The following ZNF467 variants were observed in gnomAD, a reference collection of about 807,000 sequenced individuals.
ZNF467 encodes the protein zinc finger protein 467.
In ZNF467, 51 loss-of-function variants were observed where a neutral mutation model predicts 47.8. That is an observed-to-expected ratio of 1.07 (90% confidence interval 0.85 to 1.35). The LOEUF (loss-of-function observed/expected upper bound fraction) is 1.35. Among genes scored for constraint, ZNF467 ranks in the 40% most tolerant of loss-of-function variants. The pLI, the probability that ZNF467 is intolerant of heterozygous loss-of-function variation, is 0.00. For synonymous variants in ZNF467, 416 were observed against 372.9 expected (o/e 1.12, Z -1.33); for missense variants, 992 against 858.1 (o/e 1.16, Z -1.95).
Position 149,772,853 on chromosome 7 carries a change from C to T in ZNF467, c.-43+255G>A, listed in dbSNP as rs183010964. Among the ~76,000 whole-genome samples, 980 of 121,644 alleles carry T rather than the reference C, an allele frequency of 8.1e-3. 23 individuals carry two copies. The highest frequency in any genetic ancestry group is 0.031 in the African/African-American group (923 of 29,800). 79.8% of individuals were successfully genotyped at this position (121,644 alleles called of 152,430 possible). A position where few individuals can be genotyped will look rare whatever the true frequency, so the allele number is the denominator to read the frequency against. Reference sequence around the variant, plus strand: ...CCTTCCCACCTGCCTCCCGCCCGACCCCCTCCCAGCCCCCGCCCTTCCCTC... The same window carrying T: ...CCTTCCCACCTGCCTCCCGCCCGACTCCCTCCCAGCCCCCGCCCTTCCCTC... On this transcript the variant is annotated intron_variant, in intron 1 of 4. Coordinates refer to ENST00000302017, the MANE Select transcript of ZNF467 (RefSeq NM_207336.3).
intron 4 of ZNF467, among the ~76,000 whole-genome samples, 176 bp downstream of exon 4, chr7:149,768,914 G>A (rs1799300851): frequency 6.6e-6 from 1 of 152,190 alleles, no homozygotes; most frequent in Non-Finnish European, 1.5e-5. Flanking sequence ...ATTCCCTTTC[G>A]GCATTGAAGC....
At position 149,770,336 on chromosome 7, in the gene ZNF467, AAGGG is replaced by A. The variant is rs559103295; in HGVS notation, c.151+100_151+103del. ...AATGGAAGGAAGGAAGGAAAGAAGG[AAGGG>A]AGGGAGGGAGGGGGGAGGGAAGAAG... On this transcript the variant is annotated intron_variant, in intron 3 of 4. Transcript: ENST00000302017. The A allele has an allele frequency of 1.0e-3, 606 of 599,700 alleles. 4 individuals are homozygous for A. In the African/African-American group the frequency reaches 0.013, roughly 13 times the overall value. 37.1% of individuals were successfully genotyped at this position (599,700 alleles called of 1,614,324 possible).
intron 1 of ZNF467, among the ~76,000 whole-genome samples, chr7:149,771,904 T>A (rs1248330706): frequency 9.2e-6 from 1 of 108,764 alleles, no homozygotes; most frequent in Non-Finnish European, 1.8e-5. Context: ...CCCGTCCGGG[T>A]CGGCCCTCCG....
In ZNF467 at chr7:149,765,292, C is replaced by T. The variant is rs112589121; in HGVS notation, c.1210G>A (p.Ala404Thr). ...TVDAPAAKPL[A>T]SAPGGPGCGP... The stretch of plus-strand genomic sequence containing the variant: ...CAGCCCGGTCCGCCAGGCGCGCTGG[C>T]CAGGGGCTTGGCGGCGGGGGCATCC... Residue 404 changes from alanine to threonine, a missense_variant, in exon 5 of 5, where the codon GCC becomes ACC. Coordinates refer to ENST00000302017, the MANE Select transcript of ZNF467 (RefSeq NM_207336.3). 0.063 allele frequency: 92,496 copies of T among 1,473,742 alleles called. 3,045 individuals carry two copies. Among genetic ancestry groups the T allele is most frequent in the Middle Eastern group, 0.076 (336 of 4,404 alleles). The allele number at this position is 1,473,742 out of a possible 1,614,324, so 91.3% of individuals were successfully genotyped here.
upstream of ZNF467, among the ~76,000 whole-genome samples, chr7:149,775,259 ACATAAT>A (rs1262034435): frequency 1.3e-5 from 2 of 152,184 alleles, no homozygotes; most frequent in African/African-American, 2.4e-5. Flanking sequence ...AACCAGCCAC[ACATAAT>A]CATCCCCAGC....
Position 149,766,178 on chromosome 7 carries a change from C to T in ZNF467, c.324G>A (p.Glu108=). ...ACGATAGATGCTGGGGCCATTCGAC[C>T]TCCTCTTCTGCCTCCTGATCTTCGT... ...VEDEDQEAEE[E]VEWPQHLSLL... is the part of the protein sequence containing the mutation. Residue 108 remains glutamate (E), a synonymous_variant, in exon 5 of 5, where the codon GAG becomes GAA. Transcript: ENST00000302017. 3 of 1,560,940 alleles carry T rather than the reference C, an allele frequency of 1.9e-6. No individual in the cohort carries two copies. The highest frequency in any genetic ancestry group is 1.9e-5 in the Admixed American group (1 of 52,984).
upstream of ZNF467, chr7:149,776,416 C>T (rs752414659): frequency 7.4e-7 from 1 of 1,359,420 alleles, no homozygotes; most frequent in Non-Finnish European, 9.8e-7. Flanking sequence ...GGACCTGGTA[C>T]CCTGTGCCAG....
Position 149,765,065 on chromosome 7 carries a change from C to G in ZNF467, c.1437G>C (p.Arg479Ser). 1 of 1,489,398 alleles carries G rather than the reference C, an allele frequency of 6.7e-7. No homozygotes were observed. Among genetic ancestry groups the G allele is most frequent in the Non-Finnish European group, 8.9e-7 (1 of 1,125,478 alleles). The allele number at this position is 1,489,398 out of a possible 1,614,324, so 92.3% of individuals were successfully genotyped here. ...CGAAAGGCCTGGCGCCGCTGTGGGC[C>G]CTGGAGTGGGCGACCAGATTAGGCC... ...GSRPNLVAHS[R>S]AHSGARPFAC... The change falls in exon 5 of 5, where the codon AGG (arginine) becomes AGC (serine). Residue 479 changes from arginine to serine, a missense_variant. By Grantham distance (110) the Arg-to-Ser change is moderately radical. Transcript: ENST00000302017.
chr7:149,765,533 C>CTGGTGCACCCTTTGG lies in ZNF467; in HGVS notation c.954_968dup (p.His318_His322dup). The CTGGTGCACCCTTTGG allele has an allele frequency of 6.3e-7, 1 of 1,580,202 alleles. No individual in the cohort carries two copies. The highest frequency in any genetic ancestry group is 8.6e-7 in the Non-Finnish European group (1 of 1,163,260). ...GAGAGGGCCTGGCCGGGCCGGCCGT[C>CTGGTGCACCCTTTGG]TGGTGCACCCTTTGGTGCCGCACCA... On this transcript the variant is annotated inframe_insertion, in exon 5 of 5. Coordinates refer to ENST00000302017, the MANE Select transcript of ZNF467 (RefSeq NM_207336.3).
chr7:149,765,517 T>TG lies in ZNF467; in HGVS notation c.984dup (p.Arg329GlnfsTer60). The TG allele has an allele frequency of 3.8e-6, 6 of 1,580,250 alleles. No homozygotes were observed. Among genetic ancestry groups the TG allele is most frequent in the Non-Finnish European group, 5.2e-6 (6 of 1,163,600 alleles). On this transcript the variant is annotated frameshift_variant, in exon 5 of 5. Coordinates refer to ENST00000302017, the MANE Select transcript of ZNF467 (RefSeq NM_207336.3). LOFTEE classifies it high-confidence loss of function. Reference sequence around the variant, plus strand: ...GAAGCGGACGAGTCGGGAGAGGGCCTGGCCGGGCCGGCCGTCTGGTGCACC... The same window carrying TG: ...GAAGCGGACGAGTCGGGAGAGGGCCTGGGCCGGGCCGGCCGTCTGGTGCACC...
rs1236636371 is a variant in ZNF467 at position 149,765,054 on chromosome 7, C to T, written c.1448G>A (p.Gly483Asp). ...CTGAGCGCAGGCGAAAGGCCTGGCGCCGCTGTGGGCCCTGGAGTGGGCGAC... is the reference window on the plus strand; with the variant it reads ...CTGAGCGCAGGCGAAAGGCCTGGCGTCGCTGTGGGCCCTGGAGTGGGCGAC... ...NLVAHSRAHS[G>D]ARPFACAQCG... Residue 483 changes from glycine to aspartate, a missense_variant, in exon 5 of 5, where the codon GGC (glycine) becomes GAC (aspartate). Physicochemically the swap from Gly to Asp is moderately conservative, Grantham distance 94. Coordinates refer to ENST00000302017, the MANE Select transcript of ZNF467 (RefSeq NM_207336.3). 2.0e-6 allele frequency: 3 copies of T among 1,501,412 alleles called. No homozygotes were observed. The South Asian group carries it at 3.7e-5, about 19-fold the overall frequency. 93.0% of individuals were successfully genotyped at this position (1,501,412 alleles called of 1,614,324 possible). A position where few individuals can be genotyped will look rare whatever the true frequency, so the allele number is the denominator to read the frequency against.
At position 149,764,823 on chromosome 7, in the gene ZNF467, C is replaced by G. The variant is rs374634951; in HGVS notation, c.1679G>C (p.Arg560Pro). The G allele has an allele frequency of 9.7e-6, 15 of 1,539,612 alleles. No homozygotes were observed. In the East Asian group the frequency reaches 2.3e-4, roughly 23 times the overall value. Residue 560 changes from arginine to proline, a missense_variant, in exon 5 of 5, where the codon CGG becomes CCG. Coordinates refer to ENST00000302017, the MANE Select transcript of ZNF467 (RefSeq NM_207336.3). ...KSFSRKTHLVRHQLIHGEAAH... is the reference protein window; with the variant it reads ...KSFSRKTHLVPHQLIHGEAAH... ...GGCTTCGCCGTGAATGAGCTGGTGCCGCACCAGGTGGGTCTTGCGGCTGAA... is the reference window on the plus strand; with the variant it reads ...GGCTTCGCCGTGAATGAGCTGGTGCGGCACCAGGTGGGTCTTGCGGCTGAA...
chr7:149,775,106 G>A (rs1274810471), upstream of ZNF467, among the ~76,000 whole-genome samples: 5 of 152,116 alleles, frequency 3.3e-5, no homozygotes, highest in Admixed American at 2.6e-4. Flanking sequence ...TATTTCATCC[G>A]GCTTAGCTCT....
chr7:149,771,171 G>T (rs1799394646), intron 1 of ZNF467, 97 bp from the exon 2 acceptor site: 1 of 978,668 alleles, frequency 1.0e-6, no homozygotes, highest in Non-Finnish European at 1.6e-6. Flanking sequence ...TCTTCCAGGA[G>T]CTCCAAAGGT....
At chr7:149,770,815 A>G (rs1005515310) in intron 2 of ZNF467, among the ~76,000 whole-genome samples, 184 bp downstream of exon 2, 2 of 152,242 alleles carry the variant, frequency 1.3e-5, no homozygotes, top group African/African-American at 4.8e-5. Flanking sequence ...CATATGGTCT[A>G]GAGCGCAGCC....
upstream of ZNF467, chr7:149,775,895 C>A: frequency 1.9e-6 from 1 of 530,494 alleles, no homozygotes; most frequent in Admixed American, 2.6e-5. Context: ...TAAAGCCCCC[C>A]ACAGCCCCCA....
intron 3 of ZNF467, 128 bp downstream of exon 3, chr7:149,770,312 A>C: frequency 1.7e-6 from 1 of 589,494 alleles, no homozygotes; most frequent in Non-Finnish European, 2.9e-6. Flanking sequence ...TATTTGATGA[A>C]TGGAAGGAAG....
At position 149,764,778 on chromosome 7, in the gene ZNF467, G is replaced by C; in HGVS notation, c.1724C>G (p.Ala575Gly). The change falls in exon 5 of 5, where the codon GCC (alanine) becomes GGC (glycine). Residue 575 changes from alanine (A) to glycine (G), a missense_variant. By Grantham distance (60) the Ala-to-Gly change is moderately conservative (BLOSUM62 0). Transcript: ENST00000302017. ...HGEAAHAAPD[A>G]ALAAPAWSAP... ...GGACCAGGCTGGGGCCGCAAGGGCGGCGTCCGGGGCCGCGTGGGCGGCTTC... is the reference window on the plus strand; with the variant it reads ...GGACCAGGCTGGGGCCGCAAGGGCGCCGTCCGGGGCCGCGTGGGCGGCTTC... 2.0e-6 allele frequency: 3 copies of C among 1,521,912 alleles called. No individual in the cohort carries two copies. The highest frequency in any genetic ancestry group is 2.6e-6 in the Non-Finnish European group (3 of 1,135,388). The allele number at this position is 1,521,912 out of a possible 1,614,324, so 94.3% of individuals were successfully genotyped here.
Position 149,773,153 on chromosome 7 carries a change from C to G in ZNF467, c.-88G>C, listed in dbSNP as rs1412193590. ...CCCGCGCCGCGGGGACCCAGGCGCCCGGGCCTCCTGCCCCGCCGGCTCTGC... is the reference window on the plus strand; with the variant it reads ...CCCGCGCCGCGGGGACCCAGGCGCCGGGGCCTCCTGCCCCGCCGGCTCTGC... On this transcript the variant is annotated 5_prime_UTR_variant, in exon 1 of 5. Transcript: ENST00000302017. The G allele has an allele frequency of 1.0e-4, 15 of 150,608 alleles. No individual in the cohort carries two copies. Among genetic ancestry groups the G allele is most frequent in the Admixed American group, 9.9e-4 (15 of 15,192 alleles). 9.3% of individuals were successfully genotyped at this position (150,608 alleles called of 1,614,324 possible). A position where few individuals can be genotyped will look rare whatever the true frequency, so the allele number is the denominator to read the frequency against.
Sources: gnomAD v4.1 joint callset for allele counts (sites outside exome capture counted in the v4.1 genomes callset) on GRCh38, gnomAD v4.1.1 for gene constraint, MANE v1.5 for transcripts, NCBI Gene and HGNC (gene_info 2026-07-23, HGNC 2026-07-21) for gene names.